The following HDAC9 variants were observed in gnomAD, a reference collection of about 807,000 sequenced individuals.
HDAC9 encodes MEF-2 interacting transcription repressor (MITR) protein.
In HDAC9, 41 loss-of-function variants were observed where a neutral mutation model predicts 139.4. The observed-to-expected ratio is 0.29, with a 90% CI of 0.23 to 0.38. HDAC9 has a LOEUF of 0.38. Ranked by LOEUF, HDAC9 falls within the 10% of genes least tolerant of loss-of-function variation. The pLI is 1.00. For missense variants in HDAC9, 1,147 were observed against 1,297.0 expected, an observed-to-expected ratio of 0.88 and a Z score of 1.78; for synonymous variants, 517 against 476.2, an observed-to-expected ratio of 1.09 and a Z score of -1.12.
chr7:18,130,485 G>T (rs1449704041), intron 1 of HDAC9, among the ~76,000 whole-genome samples: 1 of 151,952 alleles, frequency 6.6e-6, no homozygotes, highest in East Asian at 1.9e-4. Context: ...ATCCTCATAT[G>T]CCTCCTTTCT....
chr7:18,190,287 G>C (rs1467493941), intron 2 of HDAC9, among the ~76,000 whole-genome samples: 2 of 152,012 alleles, frequency 1.3e-5, no homozygotes, highest in African/African-American at 4.8e-5. Flanking sequence ...CCAATTTTGG[G>C]CATGTATACA....
intron 1 of HDAC9, among the ~76,000 whole-genome samples, chr7:18,453,588 G>T (rs1793079175): frequency 6.6e-6 from 1 of 152,170 alleles, no homozygotes; most frequent in African/African-American, 2.4e-5. Context: ...GGTGACACAA[G>T]TGCCACATAT....
chr7:18,443,716 A>T (rs12673294), intron 1 of HDAC9, among the ~76,000 whole-genome samples: 5,326 of 152,136 alleles, frequency 0.035, 116 homozygotes, highest in African/African-American at 0.066. Flanking sequence ...ATTCAAGATC[A>T]TAAATATGTG....
intron 16 of HDAC9, among the ~76,000 whole-genome samples, chr7:18,774,907 T>G (rs903724357): frequency 1.1e-4 from 17 of 152,206 alleles, no homozygotes; most frequent in African/African-American, 4.1e-4. Context: ...CCTTCTTCGC[T>G]AAGCTTAATC....
chr7:18,593,080 A>G (rs1490152151), intron 5 of HDAC9, among the ~76,000 whole-genome samples: 1 of 152,122 alleles, frequency 6.6e-6, no homozygotes, highest in Non-Finnish European at 1.5e-5. Flanking sequence ...ATTAATTTAT[A>G]GAATCTGAAT....
intron 2 of HDAC9, among the ~76,000 whole-genome samples, chr7:18,578,587 G>T (rs1330175951): frequency 6.6e-6 from 1 of 152,186 alleles, no homozygotes; most frequent in East Asian, 1.9e-4. Flanking sequence ...TGGTATGGAA[G>T]ATCACATCTG....
chr7:18,443,214 T>C (rs1388124986), intron 1 of HDAC9, among the ~76,000 whole-genome samples: 1 of 152,226 alleles, frequency 6.6e-6, no homozygotes, highest in Non-Finnish European at 1.5e-5. Flanking sequence ...ATACCTCTTA[T>C]TGCTTATGAT....
chr7:18,904,679 C>T lies in HDAC9; in HGVS notation c.2803+30083C>T, dbSNP rs977782555. Among the ~76,000 whole-genome samples, 3 of 147,456 alleles carry T rather than the reference C, an allele frequency of 2.0e-5. No homozygotes were observed. The Admixed American group carries it at 2.1e-4, about 10-fold the overall frequency. On this transcript the variant is annotated intron_variant, in intron 22 of 25. Transcript: ENST00000686413. ...CAAGCTCCGCCTCCCGGGTTCACGC[C>T]ATTCTCCTGCCTCAGCCTTCCGAGT...
intron 2 of HDAC9, among the ~76,000 whole-genome samples, chr7:18,227,301 T>G (rs1018107628): frequency 6.6e-6 from 1 of 152,178 alleles, no homozygotes; most frequent in Non-Finnish European, 1.5e-5. Flanking sequence ...AGTTAAAAAT[T>G]TTTTTGAAAG....
chr7:18,255,810 G>A (rs982505552), intron 2 of HDAC9, among the ~76,000 whole-genome samples: 4 of 151,832 alleles, frequency 2.6e-5, no homozygotes, highest in South Asian at 2.1e-4. Context: ...TGTATTTTGG[G>A]TAGAGACGGG....
intron 11 of HDAC9, among the ~76,000 whole-genome samples, chr7:18,663,680 G>A (rs1273464279): frequency 2.0e-5 from 3 of 152,088 alleles, no homozygotes; most frequent in Admixed American, 6.6e-5. Context: ...TACTGAGCAG[G>A]TTCCCAGTAA....
chr7:18,585,439 A>G lies in HDAC9; in HGVS notation c.181A>G (p.Lys61Glu). The G allele has an allele frequency of 6.2e-7, 1 of 1,614,016 alleles. No homozygotes were observed. The highest frequency in any genetic ancestry group is 8.5e-7 in the Non-Finnish European group (1 of 1,179,888). ...TATCCAGCAGCAGCAACAAATCCAG[A>G]AGCAGCTTCTGATAGCAGAGTTTCA... ...LLIQQQQQIQ[K>E]QLLIAEFQKQ... is the part of the protein sequence containing the mutation. Residue 61 changes from lysine to glutamate, a missense_variant, in exon 3 of 26, where the codon AAG (lysine) becomes GAG (glutamate). Transcript: ENST00000686413.
At position 18,647,897 on chromosome 7, in the gene HDAC9, A is replaced by T. The variant is rs1291632392; in HGVS notation, c.1148A>T (p.His383Leu). 38 of 1,612,784 alleles carry T rather than the reference A, an allele frequency of 2.4e-5. No homozygotes were observed. Among genetic ancestry groups the T allele is most frequent in the Non-Finnish European group, 3.2e-5 (38 of 1,179,440 alleles). Reference sequence around the variant, plus strand: ...ATCCCGGCATCTTCCAGCCACCCTCATGTTACTTTAGAGGGAAAGCCACCC... The same window carrying T: ...ATCCCGGCATCTTCCAGCCACCCTCTTGTTACTTTAGAGGGAAAGCCACCC... ...GSIPASSSHP[H>L]VTLEGKPPNS... Residue 383 changes from histidine to leucine, a missense_variant, in exon 10 of 26, where the codon CAT becomes CTT. Coordinates refer to ENST00000686413, the MANE Select transcript of HDAC9 (RefSeq NM_178425.4).
intron 1 of HDAC9, among the ~76,000 whole-genome samples, chr7:18,468,989 T>C (rs1794517807): frequency 6.6e-6 from 1 of 152,232 alleles, no homozygotes; most frequent in Non-Finnish European, 1.5e-5. Flanking sequence ...CTTCAGACTT[T>C]TATTCATGCA....
intron 21 of HDAC9, among the ~76,000 whole-genome samples, chr7:18,855,915 C>T (rs1797640904): frequency 6.6e-6 from 1 of 152,072 alleles, no homozygotes; most frequent in African/African-American, 2.4e-5. Context: ...CAGAGAAACA[C>T]AAGGAGCAAA....
chr7:18,451,377 G>A (rs1161339880), intron 1 of HDAC9, among the ~76,000 whole-genome samples: 2 of 128,742 alleles, frequency 1.6e-5, no homozygotes, highest in Admixed American at 7.8e-5. Flanking sequence ...GCGTGTGTGT[G>A]TGTGTGTGTG....
intron 22 of HDAC9, among the ~76,000 whole-genome samples, chr7:18,885,231 G>A (rs1462874227): frequency 6.6e-6 from 1 of 152,158 alleles, no homozygotes; most frequent in Non-Finnish European, 1.5e-5. Flanking sequence ...ATTATCCCAG[G>A]AATGCCACCC....
chr7:18,271,128 A>G (rs574522508), intron 2 of HDAC9, among the ~76,000 whole-genome samples: 16 of 152,286 alleles, frequency 1.1e-4, no homozygotes, highest in African/African-American at 3.1e-4. Context: ...GTTTTTCACT[A>G]TTATTCCTTG....
At chr7:18,612,624 T>C (rs1173465039) in intron 6 of HDAC9, among the ~76,000 whole-genome samples, 1 of 151,284 alleles carries the variant, frequency 6.6e-6, no homozygotes, top group Non-Finnish European at 1.5e-5. Context: ...GGAAGAGGAA[T>C]AAAATGTTGG....
Sources: allele counts gnomAD v4.1 joint callset (sites outside exome capture counted in the v4.1 genomes callset), GRCh38; gene constraint gnomAD v4.1.1; transcripts MANE v1.5; gene names NCBI Gene and HGNC (gene_info 2026-07-23, HGNC 2026-07-21).